Variants in DNAH9 observed in about 807,000 individuals in gnomAD.
The protein encoded by DNAH9 is dynein axonemal heavy chain 9.
DNAH9 carries 345 observed loss-of-function variants against 471.6 expected under a neutral mutation model. The observed-to-expected ratio is 0.73, with a 90% CI of 0.67 to 0.80. The LOEUF (loss-of-function observed/expected upper bound fraction) is 0.80, where lower values mean the gene tolerates loss of function less well. Among genes scored for constraint, DNAH9 ranks in the 30% least tolerant of loss-of-function variants. DNAH9 has a pLI of 0.00. For missense variants in DNAH9, 5,407 were observed against 5,609.2 expected (o/e 0.96, Z 1.15); for synonymous variants, 2,093 against 2,123.6 (o/e 0.99, Z 0.40).
chr17:11,887,647 C>G (rs1972918091), intron 57 of DNAH9, among the ~76,000 whole-genome samples: 1 of 152,048 alleles, frequency 6.6e-6, no homozygotes, highest in South Asian at 2.1e-4. Context: ...TTTGACCCAA[C>G]AAAGAGGACA....
chr17:11,652,961 C>G lies in DNAH9; in HGVS notation c.2554C>G (p.Leu852Val). The G allele has an allele frequency of 6.2e-7, 1 of 1,614,014 alleles. No individual in the cohort carries two copies. Among genetic ancestry groups the G allele is most frequent in the Non-Finnish European group, 8.5e-7 (1 of 1,179,964 alleles). Residue 852 changes from leucine (L) to valine (V), a missense_variant, in exon 14 of 69, where the codon CTC becomes GTC. Coordinates refer to ENST00000262442, the MANE Select transcript of DNAH9 (RefSeq NM_001372.4). ...TGATCGAATGGAAAAATATTACAAT[C>G]TCATCAAGGAATCTGGCCTTAAGAT... ...RHDRMEKYYN[L>V]IKESGLKIHA...
intron 62 of DNAH9, among the ~76,000 whole-genome samples, chr17:11,924,797 T>C (rs1974264218): frequency 6.6e-6 from 1 of 152,014 alleles, no homozygotes; most frequent in Non-Finnish European, 1.5e-5. Flanking sequence ...CTAATTTTTG[T>C]ATTTTTAGTA....
chr17:11,960,924 C>T (rs1342044582), intron 67 of DNAH9, among the ~76,000 whole-genome samples: 2 of 152,124 alleles, frequency 1.3e-5, no homozygotes, highest in Non-Finnish European at 2.9e-5. Flanking sequence ...TGTCAGGTGC[C>T]CTAACACCTA....
chr17:11,607,209 C>G lies in DNAH9; in HGVS notation c.418-920C>G, dbSNP rs1036723635. On this transcript the variant is annotated intron_variant, in intron 1 of 68. Transcript: ENST00000262442. ...CTATTTAATCACCTCCTATTCACCCCGTTGATGAGGGAGGGATTCCTGCCT... is the reference window on the plus strand; with the variant it reads ...CTATTTAATCACCTCCTATTCACCCGGTTGATGAGGGAGGGATTCCTGCCT... 4.6e-5 allele frequency among the ~76,000 whole-genome samples: 7 copies of G among 152,084 alleles called. No individual in the cohort carries two copies. In the South Asian group the frequency reaches 8.3e-4, roughly 18 times the overall value.
At chr17:11,823,599 T>G (rs754606874) in intron 48 of DNAH9, among the ~76,000 whole-genome samples, 4 of 152,226 alleles carry the variant, frequency 2.6e-5, no homozygotes, top group Non-Finnish European at 5.9e-5. Flanking sequence ...CATCTCTAAG[T>G]AGTCATCTAT....
chr17:11,650,903 T>G (rs186051029), intron 12 of DNAH9, among the ~76,000 whole-genome samples, 166 bp from the exon 13 acceptor site: 1 of 152,372 alleles, frequency 6.6e-6, no homozygotes, highest in East Asian at 1.9e-4. Context: ...TGCCTGATAC[T>G]TGATTTTCCT....
chr17:11,947,328 G>A (rs115877716), intron 67 of DNAH9, among the ~76,000 whole-genome samples: 274 of 152,174 alleles, frequency 1.8e-3, no homozygotes, highest in Middle Eastern at 0.01. Flanking sequence ...TTTTCAAAGG[G>A]GCATATACTG....
At position 11,752,870 on chromosome 17, in the gene DNAH9, C is replaced by G; in HGVS notation, c.6648C>G (p.Ile2216Met). The change falls in exon 33 of 69, where the codon ATC becomes ATG. Residue 2216 changes from isoleucine (I) to methionine (M), a missense_variant. By Grantham distance (10) the Ile-to-Met change is conservative (BLOSUM62 1). Around this residue, in one of 3 missense-constraint regions of DNAH9, gnomAD observed 4,636 missense variants for 4,900.3 expected, o/e 0.95. Coordinates refer to ENST00000262442, the MANE Select transcript of DNAH9 (RefSeq NM_001372.4). ...CCATCATGCGGGAGCTTGCCAACATCACCCATGATGGGCCCAAGTGGATTT... is the reference window on the plus strand; with the variant it reads ...CCATCATGCGGGAGCTTGCCAACATGACCCATGATGGGCCCAAGTGGATTT... ...FSSIMRELANITHDGPKWILL... is the reference protein window; with the variant it reads ...FSSIMRELANMTHDGPKWILL... 6.2e-7 allele frequency: 1 copy of G among 1,607,032 alleles called. No homozygotes were observed.
chr17:11,776,514 G>T (rs1056441792), intron 38 of DNAH9, among the ~76,000 whole-genome samples: 5 of 152,152 alleles, frequency 3.3e-5, no homozygotes, highest in African/African-American at 1.2e-4. Flanking sequence ...GTTGGAAATG[G>T]TGTCCAGCAC....
rs149970672 is a variant in DNAH9, at chr17:11,954,719, G to A, written c.12844-7148G>A. The stretch of plus-strand genomic sequence containing the variant: ...CAGGAGGCGGAGGTTGTGGTGAGCC[G>A]AGATCACACCACTGCACTCCAGCCT... On this transcript the variant is annotated intron_variant, in intron 67 of 68. Transcript: ENST00000262442. 1.9e-3 allele frequency among the ~76,000 whole-genome samples: 280 copies of A among 146,710 alleles called. 3 individuals are homozygous for A. The East Asian group carries it at 0.054, about 28-fold the overall frequency.
At position 11,903,562 on chromosome 17, in the gene DNAH9, G is replaced by A. The variant is rs74324797; in HGVS notation, c.11600+650G>A. Among the ~76,000 whole-genome samples the A allele has an allele frequency of 1.5e-3, 231 of 152,276 alleles. 2 individuals are homozygous for A. The highest frequency in any genetic ancestry group is 2.8e-3 in the Non-Finnish European group (192 of 68,012). ...TAAAAGAAAAAAGAAGTTGTAGGCC[G>A]TGGAGTCTATACTGGATAGGAAAGG... On this transcript the variant is annotated intron_variant, in intron 60 of 68. Coordinates refer to ENST00000262442, the MANE Select transcript of DNAH9 (RefSeq NM_001372.4).
rs1377503254 is a variant in DNAH9, at chr17:11,854,159, C to T, written c.9664C>T (p.Leu3222=). ...KVTMAKVDGF[L]DSLINFNKEN... is the part of the protein sequence containing the mutation. ...CACCATGGCCAAAGTGGATGGCTTC[C>T]TGGACTCGCTAATAAACTTCAACAA... Residue 3222 remains leucine (L), a synonymous_variant, in exon 50 of 69, where the codon CTG becomes TTG. Transcript: ENST00000262442. The T allele has an allele frequency of 6.2e-7, 1 of 1,614,034 alleles. No individual in the cohort carries two copies. Among genetic ancestry groups the T allele is most frequent in the Non-Finnish European group, 8.5e-7 (1 of 1,180,044 alleles).
chr17:11,769,951 C>A (rs1317773617), intron 38 of DNAH9, among the ~76,000 whole-genome samples: 1 of 152,242 alleles, frequency 6.6e-6, no homozygotes, highest in Non-Finnish European at 1.5e-5. Flanking sequence ...AACACATTAA[C>A]TAAAACAGCT....
At chr17:11,949,513 C>G (rs915137824) in intron 67 of DNAH9, among the ~76,000 whole-genome samples, 69 of 150,358 alleles carry the variant, frequency 4.6e-4, no homozygotes, top group African/African-American at 1.7e-3. Context: ...CGGAGTTTTG[C>G]TCTTGTTGTC....
chr17:11,824,886 T>TCTCCTTCTCCTC (rs1567828628), intron 48 of DNAH9, among the ~76,000 whole-genome samples: 2 of 151,424 alleles, frequency 1.3e-5, no homozygotes, highest in African/African-American at 4.9e-5. Flanking sequence ...TCCTTCTCCT[T>TCTCCTTCTCCTC]CTCCTCCTCC....
At position 11,703,221 on chromosome 17, in the gene DNAH9, T is replaced by C. The variant is rs142870060; in HGVS notation, c.5152-982T>C. Among the ~76,000 whole-genome samples the C allele has an allele frequency of 5.3e-3, 800 of 152,208 alleles. 7 individuals carry two copies. Among genetic ancestry groups the C allele is most frequent in the African/African-American group, 0.017 (724 of 41,518 alleles). On this transcript the variant is annotated intron_variant, in intron 24 of 68. Transcript: ENST00000262442. ...GCAGAGAAGAAGAGGTGTTTATTAATAGTAGGATTGGAACATCCTCTCAAG... is the reference window on the plus strand; with the variant it reads ...GCAGAGAAGAAGAGGTGTTTATTAACAGTAGGATTGGAACATCCTCTCAAG...
At chr17:11,775,805 C>T (rs1272592288) in intron 38 of DNAH9, among the ~76,000 whole-genome samples, 1 of 151,876 alleles carries the variant, frequency 6.6e-6, no homozygotes, top group Non-Finnish European at 1.5e-5. Context: ...GGGATTTCAC[C>T]GTGGTCTCAA....
chr17:11,884,151 A>G (rs1184659358), intron 56 of DNAH9, among the ~76,000 whole-genome samples: 1 of 152,190 alleles, frequency 6.6e-6, no homozygotes, highest in Non-Finnish European at 1.5e-5. Flanking sequence ...GCATCCTGAC[A>G]AAACCCACCG....
At chr17:11,669,908 G>A (rs1445367358) in intron 17 of DNAH9, 114 bp downstream of exon 17, 3 of 921,698 alleles carry the variant, frequency 3.3e-6, no homozygotes, top group Non-Finnish European at 5.0e-6. Context: ...TAAAGATTAA[G>A]ACAGCTGGTT....
Sources: gnomAD v4.1 joint callset for allele counts (sites outside exome capture counted in the v4.1 genomes callset) on GRCh38, gnomAD v4.1.1 for gene constraint, gnomAD v4.1.1 regional missense constraint, MANE v1.5 for transcripts, NCBI Gene and HGNC (gene_info 2026-07-23, HGNC 2026-07-21) for gene names.